NRXN1: variants seen among roughly 807,000 people sequenced by gnomAD.
NRXN1 encodes neurexin 1.
In NRXN1, 39 loss-of-function variants were observed where a neutral mutation model predicts 150.9. That is an observed-to-expected ratio of 0.26 (90% CI 0.20 to 0.34). The LOEUF (loss-of-function observed/expected upper bound fraction) is 0.34. Among genes scored for constraint, NRXN1 ranks in the 10% least tolerant of loss-of-function variants. NRXN1 has a pLI of 1.00. For synonymous variants in NRXN1, 924 were observed against 757.0 expected, an observed-to-expected ratio of 1.22 and a Z score of -3.62; for missense variants, 1,815 against 1,949.9, an observed-to-expected ratio of 0.93 and a Z score of 1.30.
chr2:50,361,050 G>C (rs1383371663), intron 17 of NRXN1, among the ~76,000 whole-genome samples: 7 of 152,166 alleles, frequency 4.6e-5, no homozygotes, highest in African/African-American at 1.7e-4. Context: ...AAATAAAGAT[G>C]TTCTTTGAAA....
intron 18 of NRXN1, among the ~76,000 whole-genome samples, chr2:50,205,589 G>A (rs598426): frequency 0.39 from 58,611 of 151,836 alleles, 11,729 homozygotes; most frequent in Non-Finnish European, 0.43. Context: ...TCACACAGAT[G>A]TGGAGAATGG....
chr2:50,751,673 G>A (rs1021985871), intron 5 of NRXN1, among the ~76,000 whole-genome samples: 1 of 151,982 alleles, frequency 6.6e-6, no homozygotes, highest in East Asian at 1.9e-4. Flanking sequence ...CTTTCATGAT[G>A]ATTCCTGCAT....
At chr2:50,107,613 G>A (rs897316060) in intron 18 of NRXN1, among the ~76,000 whole-genome samples, 1 of 146,988 alleles carries the variant, frequency 6.8e-6, no homozygotes, top group African/African-American at 2.5e-5. Flanking sequence ...AAACTACCCA[G>A]CTATGTACCT....
chr2:50,115,926 G>A (rs1206793441), intron 18 of NRXN1, among the ~76,000 whole-genome samples: 1 of 152,000 alleles, frequency 6.6e-6, no homozygotes, highest in Non-Finnish European at 1.5e-5. Context: ...ATTTTTCATA[G>A]GATCAGTCTT....
intron 21 of NRXN1, among the ~76,000 whole-genome samples, chr2:50,017,535 T>C (rs1686849946): frequency 6.6e-6 from 1 of 152,128 alleles, no homozygotes; most frequent in African/African-American, 2.4e-5. Flanking sequence ...TAAAGTGTAA[T>C]AGTGAAAGAG....
intron 21 of NRXN1, among the ~76,000 whole-genome samples, chr2:50,025,206 C>T (rs1558718133): frequency 6.6e-6 from 1 of 152,148 alleles, no homozygotes; most frequent in Non-Finnish European, 1.5e-5. Context: ...TCTTTACTAA[C>T]CCACTACACC....
At chr2:50,473,058 C>T (rs1017861746) in intron 15 of NRXN1, among the ~76,000 whole-genome samples, 1 of 151,808 alleles carries the variant, frequency 6.6e-6, no homozygotes, top group East Asian at 1.9e-4. Flanking sequence ...CAGTAAATTT[C>T]TTCTTGTATC....
intron 18 of NRXN1, among the ~76,000 whole-genome samples, chr2:50,131,924 A>G (rs959982758): frequency 2.6e-5 from 4 of 152,134 alleles, no homozygotes; most frequent in African/African-American, 9.7e-5. Context: ...TCTATTGAAC[A>G]AGTATGGGGG....
At chr2:50,885,971 G>T (rs1680179707) in intron 5 of NRXN1, among the ~76,000 whole-genome samples, 1 of 151,210 alleles carries the variant, frequency 6.6e-6, no homozygotes, top group African/African-American at 2.4e-5. Flanking sequence ...ATATCTAAGG[G>T]AATTCACCCC....
At chr2:50,883,221 A>T (rs980714300) in intron 5 of NRXN1, among the ~76,000 whole-genome samples, 1 of 151,798 alleles carries the variant, frequency 6.6e-6, no homozygotes, top group African/African-American at 2.4e-5. Flanking sequence ...ATTAAGAGTA[A>T]ATCCGAAATG....
intron 5 of NRXN1, among the ~76,000 whole-genome samples, chr2:50,909,306 G>GAA (rs1204504857): frequency 1.3e-5 from 2 of 151,988 alleles, no homozygotes; most frequent in African/African-American, 4.8e-5. Context: ...ACAGCCTTCT[G>GAA]AAAGCATAAA....
At chr2:50,091,249 G>A (rs192720154) in intron 19 of NRXN1, 74 bp downstream of exon 19, 26 of 1,536,650 alleles carry the variant, frequency 1.7e-5, no homozygotes, top group African/African-American at 1.6e-4. Flanking sequence ...TTGGTGAAAC[G>A]GATGCAAAAC....
chr2:50,354,032 A>C (rs769207575), intron 17 of NRXN1, among the ~76,000 whole-genome samples: 2 of 152,072 alleles, frequency 1.3e-5, no homozygotes, highest in Non-Finnish European at 2.9e-5. Flanking sequence ...ACACATGGAG[A>C]GCTTTCTCAT....
intron 21 of NRXN1, among the ~76,000 whole-genome samples, chr2:49,958,635 G>A (rs1047703689): frequency 6.6e-6 from 1 of 152,174 alleles, no homozygotes; most frequent in Admixed American, 6.5e-5. Flanking sequence ...TTACACAGAT[G>A]TAGCTTTTTA....
chr2:50,761,548 A>G (rs1474752300), intron 5 of NRXN1, among the ~76,000 whole-genome samples: 1 of 151,938 alleles, frequency 6.6e-6, no homozygotes, highest in Non-Finnish European at 1.5e-5. Context: ...CTTTCTCTTT[A>G]TAAATTACCC....
At chr2:50,183,571 T>C (rs906629114) in intron 18 of NRXN1, among the ~76,000 whole-genome samples, 1 of 151,772 alleles carries the variant, frequency 6.6e-6, no homozygotes, top group Non-Finnish European at 1.5e-5. Context: ...TTGTTCTTGC[T>C]GATTCAATAT....
At chr2:50,103,544 C>T (rs10169425) in intron 18 of NRXN1, among the ~76,000 whole-genome samples, 91,698 of 151,812 alleles carry the variant, frequency 0.6, 28,641 homozygotes, top group African/African-American at 0.74. Flanking sequence ...GAAGGATTCT[C>T]TATCCAATTC....
At chr2:50,893,571 T>C (rs539401296) in intron 5 of NRXN1, among the ~76,000 whole-genome samples, 19 of 152,314 alleles carry the variant, frequency 1.2e-4, no homozygotes, top group African/African-American at 4.6e-4. Flanking sequence ...CCATGTCATA[T>C]AACTCAAGTG....
At chr2:49,959,629 T>C (rs1220740299) in intron 21 of NRXN1, among the ~76,000 whole-genome samples, 1 of 152,192 alleles carries the variant, frequency 6.6e-6, no homozygotes, top group East Asian at 1.9e-4. Flanking sequence ...ACTTGTGTGA[T>C]TTATTTAACC....
Sources: gnomAD v4.1 joint callset for allele counts (sites outside exome capture counted in the v4.1 genomes callset) on GRCh38, gnomAD v4.1.1 for gene constraint, MANE v1.5 for transcripts, NCBI Gene and HGNC (gene_info 2026-07-23, HGNC 2026-07-21) for gene names.